MDFIC2: variants seen among roughly 807,000 people sequenced by gnomAD.
MDFIC2 encodes myoD family inhibitor domain-containing protein 2.
intron 2 of MDFIC2, among the ~76,000 whole-genome samples, chr3:70,297,157 A>G (rs1458340116): frequency 6.6e-6 from 1 of 152,136 alleles, no homozygotes; most frequent in Admixed American, 6.6e-5. Context: ...TATGCACAGT[A>G]CACTGCTTGT....
chr3:70,303,488 A>T (rs533222906), intron 2 of MDFIC2, among the ~76,000 whole-genome samples: 1 of 152,296 alleles, frequency 6.6e-6, no homozygotes, highest in African/African-American at 2.4e-5. Context: ...CACCAGAACT[A>T]GATTAGTTCC....
chr3:70,234,374 C>T (rs1225044953), intron 2 of MDFIC2, among the ~76,000 whole-genome samples: 1 of 152,176 alleles, frequency 6.6e-6, no homozygotes, highest in Non-Finnish European at 1.5e-5. Context: ...CTAGGCTAGG[C>T]ACAGTGGCTC....
intron 2 of MDFIC2, among the ~76,000 whole-genome samples, chr3:70,308,109 T>C (rs1175479063): frequency 6.6e-6 from 1 of 152,208 alleles, no homozygotes; most frequent in Non-Finnish European, 1.5e-5. Context: ...TGTAGTACAG[T>C]GGTGTGATCA....
chr3:70,217,768 ATACT>A (rs1701429419), intron 2 of MDFIC2, among the ~76,000 whole-genome samples: 1 of 152,116 alleles, frequency 6.6e-6, no homozygotes, highest in Non-Finnish European at 1.5e-5. Context: ...GTGTTGAAAA[ATACT>A]TACTGAATGA....
At chr3:70,268,951 T>C (rs1304013397) in intron 2 of MDFIC2, among the ~76,000 whole-genome samples, 1 of 152,068 alleles carries the variant, frequency 6.6e-6, no homozygotes, top group East Asian at 1.9e-4. Flanking sequence ...AATTTAGTGC[T>C]CTCCTTTGAA....
At chr3:70,281,347 T>A (rs1702080464) in intron 2 of MDFIC2, among the ~76,000 whole-genome samples, 1 of 152,186 alleles carries the variant, frequency 6.6e-6, no homozygotes, top group Non-Finnish European at 1.5e-5. Flanking sequence ...CTCTCTCAAC[T>A]TCATTATTTG....
At chr3:70,249,527 C>T (rs1245015988) in intron 2 of MDFIC2, 9 of 152,058 alleles carry the variant, frequency 5.9e-5, no homozygotes, top group Non-Finnish European at 1.3e-4. Context: ...CATCCTTTCC[C>T]CTCTCTCTTT....
chr3:70,297,350 C>A (rs1030155122), intron 2 of MDFIC2, among the ~76,000 whole-genome samples: 9 of 151,820 alleles, frequency 5.9e-5, no homozygotes, highest in African/African-American at 1.9e-4. Context: ...TGCTCTAGAC[C>A]ACAAAAAGAA....
At chr3:70,288,506 G>A (rs1365949857) in intron 2 of MDFIC2, among the ~76,000 whole-genome samples, 1 of 150,612 alleles carries the variant, frequency 6.6e-6, no homozygotes, top group Non-Finnish European at 1.5e-5. Context: ...GAATAGGTGT[G>A]GTGTGGTGCT....
intron 2 of MDFIC2, 147 bp downstream of exon 2, chr3:70,311,739 A>C (rs1448201892): frequency 1.3e-5 from 5 of 378,124 alleles, no homozygotes; most frequent in African/African-American, 2.1e-5. Flanking sequence ...CCACATAAGA[A>C]TTTGAAAAAA....
intron 2 of MDFIC2, among the ~76,000 whole-genome samples, chr3:70,284,091 T>C (rs1165425241): frequency 1.3e-5 from 2 of 152,110 alleles, no homozygotes; most frequent in African/African-American, 4.8e-5. Context: ...TTGGACTGGT[T>C]TTCATGAGTG....
intron 2 of MDFIC2, among the ~76,000 whole-genome samples, chr3:70,253,235 G>A (rs1010246398): frequency 6.6e-6 from 1 of 152,200 alleles, no homozygotes; most frequent in Admixed American, 6.5e-5. Context: ...GTGCCTTTTA[G>A]TGAAGTCCTG....
intron 2 of MDFIC2, among the ~76,000 whole-genome samples, chr3:70,242,191 G>T (rs1347718044): frequency 6.6e-6 from 1 of 152,130 alleles, no homozygotes; most frequent in Admixed American, 6.5e-5. Flanking sequence ...TGGGCTTCTG[G>T]AGTATCTTTC....
intron 2 of MDFIC2, among the ~76,000 whole-genome samples, chr3:70,264,211 G>C (rs1481362252): frequency 6.6e-6 from 1 of 152,130 alleles, no homozygotes; most frequent in Non-Finnish European, 1.5e-5. Flanking sequence ...AATGGCAATG[G>C]CAATGACTTG....
At chr3:70,308,592 C>T (rs964753921) in intron 2 of MDFIC2, among the ~76,000 whole-genome samples, 6 of 152,238 alleles carry the variant, frequency 3.9e-5, no homozygotes, top group Admixed American at 2.0e-4. Flanking sequence ...AATTAGGAGC[C>T]TCTTTGCCTT....
chr3:70,203,421 A>T (rs62254845), intron 3 of MDFIC2, among the ~76,000 whole-genome samples: 31,423 of 152,080 alleles, frequency 0.21, 3,772 homozygotes, highest in Non-Finnish European at 0.28. Flanking sequence ...CTGGGGTATC[A>T]TCCCTGATGT....
chr3:70,200,025 C>T (rs1028288298), intron 3 of MDFIC2, among the ~76,000 whole-genome samples: 2 of 152,148 alleles, frequency 1.3e-5, no homozygotes, highest in Non-Finnish European at 2.9e-5. Context: ...TCGGCAGAAA[C>T]CTGGTAGTCA....
chr3:70,270,660 T>C (rs567371578), intron 2 of MDFIC2, among the ~76,000 whole-genome samples: 87 of 152,278 alleles, frequency 5.7e-4, no homozygotes, highest in Admixed American at 2.4e-3. Context: ...ATCTTTAATA[T>C]ATTAAAATTG....
intron 3 of MDFIC2, among the ~76,000 whole-genome samples, chr3:70,202,465 A>G (rs933107147): frequency 6.6e-6 from 1 of 152,112 alleles, no homozygotes; most frequent in Non-Finnish European, 1.5e-5. Flanking sequence ...TGTTCACTGT[A>G]TTTGACTTTT....
Sources: allele counts gnomAD v4.1 joint callset (sites outside exome capture counted in the v4.1 genomes callset), GRCh38; gene constraint gnomAD v4.1.1; transcripts MANE v1.5; gene names NCBI Gene and HGNC (gene_info 2026-07-23, HGNC 2026-07-21).